The following SLC16A12 variants were observed in gnomAD, a reference collection of about 807,000 sequenced individuals.
SLC16A12 encodes monocarboxylate transporter 12.
In SLC16A12, 17 loss-of-function variants were observed where a neutral mutation model predicts 42.4. The ratio of observed to expected loss-of-function variants is 0.40; its 90% CI spans 0.27 to 0.60. The LOEUF (loss-of-function observed/expected upper bound fraction) is 0.60, where lower values mean the gene tolerates loss of function less well. Ranked by LOEUF, SLC16A12 falls within the 20% of genes least tolerant of loss-of-function variation. The pLI is 0.42. For missense variants in SLC16A12, 544 were observed against 623.0 expected (o/e 0.87, Z 1.35); for synonymous variants, 224 against 229.4 (o/e 0.98, Z 0.21).
intron 3 of SLC16A12, among the ~76,000 whole-genome samples, chr10:89,459,694 A>T (rs160053): frequency 3.3e-5 from 5 of 152,212 alleles, no homozygotes; most frequent in African/African-American, 9.6e-5. Context: ...TAATCCTAGC[A>T]CTTGGAGAGG....
intron 4 of SLC16A12, among the ~76,000 whole-genome samples, chr10:89,441,795 G>A (rs1307402169): frequency 6.6e-6 from 1 of 152,158 alleles, no homozygotes; most frequent in Non-Finnish European, 1.5e-5. Context: ...TAAGAAAAAT[G>A]CTTCATGCCC....
At chr10:89,467,640 T>C (rs1251462145) in intron 2 of SLC16A12, among the ~76,000 whole-genome samples, 2 of 152,220 alleles carry the variant, frequency 1.3e-5, no homozygotes, top group African/African-American at 2.4e-5. Context: ...GTAAAGCTTA[T>C]GTAAAAGTTG....
In SLC16A12 at chr10:89,472,463, TTTTTC is replaced by T. The variant is rs1204502932; in HGVS notation, c.-46-9844_-46-9840del. Among the ~76,000 whole-genome samples the T allele has an allele frequency of 2.0e-4, 31 of 151,482 alleles. 1 individual carries two copies. The highest frequency in any genetic ancestry group is 4.1e-4 in the African/African-American group (17 of 41,414). On this transcript the variant is annotated intron_variant, in intron 2 of 7. Coordinates refer to ENST00000371790, the MANE Select transcript of SLC16A12 (RefSeq NM_213606.4). Reference sequence around the variant, plus strand: ...AATTCCAGCAGCATTACTTCTTTCTTTTTTCTTTTCTTTTCTTTTCTTTCTTTTTT... The same window carrying T: ...AATTCCAGCAGCATTACTTCTTTCTTTTTTCTTTTCTTTTCTTTCTTTTTT...
intron 2 of SLC16A12, among the ~76,000 whole-genome samples, chr10:89,502,917 A>G (rs1044831663): frequency 6.6e-6 from 1 of 152,230 alleles, no homozygotes; most frequent in Non-Finnish European, 1.5e-5. Flanking sequence ...AAGATGAGCA[A>G]TGGTGATCAG....
At position 89,440,975 on chromosome 10, in the gene SLC16A12, T is replaced by A. The variant is rs372298420; in HGVS notation, c.448+133A>T. 18 of 1,058,760 alleles carry A rather than the reference T, an allele frequency of 1.7e-5. No individual in the cohort carries two copies. The East Asian group carries it at 4.3e-4, about 25-fold the overall frequency. 65.6% of individuals were successfully genotyped at this position (1,058,760 alleles called of 1,614,324 possible). On this transcript the variant is annotated intron_variant, in intron 5 of 7. Coordinates refer to ENST00000371790, the MANE Select transcript of SLC16A12 (RefSeq NM_213606.4). ...TTTCCAGCTCTGTTTAACTGCTAGG[T>A]AGGTAGACATAAGCTAGGTCAACTA...
intron 2 of SLC16A12, among the ~76,000 whole-genome samples, chr10:89,550,372 A>G (rs1229886495): frequency 6.6e-6 from 1 of 152,152 alleles, no homozygotes; most frequent in East Asian, 1.9e-4. Flanking sequence ...TACAAAAATT[A>G]GACGGGTGTG....
chr10:89,454,485 T>C (rs890531240), intron 3 of SLC16A12, among the ~76,000 whole-genome samples: 6 of 152,076 alleles, frequency 3.9e-5, no homozygotes, highest in African/African-American at 1.4e-4. Context: ...ATCCTAATGC[T>C]TCATACTTTT....
intron 2 of SLC16A12, among the ~76,000 whole-genome samples, chr10:89,518,047 T>C (rs1843284473): frequency 2.0e-5 from 3 of 152,118 alleles, no homozygotes; most frequent in Admixed American, 2.0e-4. Context: ...CTCAAATGAT[T>C]TACCAGCAGA....
At chr10:89,551,535 T>C (rs1409335360) in intron 2 of SLC16A12, among the ~76,000 whole-genome samples, 4 of 152,204 alleles carry the variant, frequency 2.6e-5, no homozygotes, top group Non-Finnish European at 5.9e-5. Context: ...TCCATAAAGC[T>C]GATATAGTTT....
chr10:89,513,060 T>C (rs894696621), intron 2 of SLC16A12, among the ~76,000 whole-genome samples: 1 of 152,218 alleles, frequency 6.6e-6, no homozygotes, highest in Non-Finnish European at 1.5e-5. Flanking sequence ...GTATTGAGAA[T>C]AGACTAGACA....
chr10:89,460,744 C>CAAAAAAAA (rs751005622), intron 3 of SLC16A12, among the ~76,000 whole-genome samples: 1 of 68,454 alleles, frequency 1.5e-5, no homozygotes. Context: ...GACACTGTCT[C>CAAAAAAAA]AAAAAAAAAA....
rs574443244 is a variant in SLC16A12 at position 89,533,007 on chromosome 10, T to C, written c.-47+1494A>G. 1.3e-4 allele frequency among the ~76,000 whole-genome samples: 20 copies of C among 152,342 alleles called. No individual in the cohort carries two copies. In the South Asian group the frequency reaches 4.1e-3, roughly 32 times the overall value. Reference sequence around the variant, plus strand: ...TTCAAGTTTAGTCACCAAGGTGATCTCCCTGCAATAAAGGAAATGTAATTT... The same window carrying C: ...TTCAAGTTTAGTCACCAAGGTGATCCCCCTGCAATAAAGGAAATGTAATTT... On this transcript the variant is annotated intron_variant, in intron 2 of 7. Transcript: ENST00000371790.
intron 2 of SLC16A12, among the ~76,000 whole-genome samples, chr10:89,504,121 T>C (rs547422487): frequency 1.8e-3 from 276 of 152,074 alleles, no homozygotes; most frequent in Non-Finnish European, 3.3e-3. Context: ...TTTACCACTC[T>C]TTCCCATATC....
chr10:89,528,969 A>G (rs980666097), intron 2 of SLC16A12, among the ~76,000 whole-genome samples: 2 of 152,132 alleles, frequency 1.3e-5, no homozygotes, highest in African/African-American at 4.8e-5. Flanking sequence ...TTTATTTTTT[A>G]TATCATTTAT....
At chr10:89,469,200 T>C (rs1360818430) in intron 2 of SLC16A12, among the ~76,000 whole-genome samples, 3 of 152,196 alleles carry the variant, frequency 2.0e-5, no homozygotes, top group Non-Finnish European at 4.4e-5. Flanking sequence ...GACTGATGAA[T>C]TTTACTCATC....
intron 3 of SLC16A12, among the ~76,000 whole-genome samples, chr10:89,448,621 C>A (rs1190379283): frequency 6.6e-6 from 1 of 152,148 alleles, no homozygotes; most frequent in East Asian, 1.9e-4. Flanking sequence ...ATAATAAGAG[C>A]TATTTATGAT....
At chr10:89,544,646 A>T (rs966226574) in intron 2 of SLC16A12, among the ~76,000 whole-genome samples, 1 of 152,134 alleles carries the variant, frequency 6.6e-6, no homozygotes, top group African/African-American at 2.4e-5. Flanking sequence ...AATTTATTGA[A>T]ATTTTTTAGT....
chr10:89,489,566 G>A (rs11203148), intron 2 of SLC16A12, among the ~76,000 whole-genome samples: 2,114 of 152,094 alleles, frequency 0.014, 24 homozygotes, highest in Non-Finnish European at 0.023. Flanking sequence ...GGTGTTCAAC[G>A]TCTGTACTCA....
upstream of SLC16A12, among the ~76,000 whole-genome samples, chr10:89,539,909 C>CTTTCTTTCTTTCT (rs370913553): frequency 9.2e-3 from 1,255 of 137,040 alleles, 14 homozygotes; most frequent in African/African-American, 0.027. Flanking sequence ...TTCTTTCTTT[C>CTTTCTTTCTTTCT]TTTTTTCTTT....
Sources: allele counts gnomAD v4.1 joint callset (sites outside exome capture counted in the v4.1 genomes callset), GRCh38; gene constraint gnomAD v4.1.1; transcripts MANE v1.5; gene names NCBI Gene and HGNC (gene_info 2026-07-23, HGNC 2026-07-21).